FOXN1: variants seen among roughly 807,000 people sequenced by gnomAD.
The protein encoded by FOXN1 is forkhead box N1.
Under a neutral mutation model 49.0 loss-of-function variants are expected in FOXN1, and 15 were observed. The observed-to-expected ratio is 0.31, with a 90% CI of 0.20 to 0.47. The LOEUF (loss-of-function observed/expected upper bound fraction) is 0.47. Among genes scored for constraint, FOXN1 ranks in the 20% least tolerant of loss-of-function variants. The pLI is 1.00. For synonymous variants in FOXN1, 356 were observed against 369.0 expected, an observed-to-expected ratio of 0.96 and a Z score of 0.40; for missense variants, 800 against 842.8, an observed-to-expected ratio of 0.95 and a Z score of 0.63.
intron 1 of FOXN1, 92 bp from the exon 2 acceptor site, chr17:28,523,864 C>A: frequency 1.7e-6 from 2 of 1,178,444 alleles, no homozygotes; most frequent in Non-Finnish European, 2.5e-6. Flanking sequence ...AGGGTCCCAG[C>A]CCAAGGATGG....
chr17:28,537,388 C>G lies in FOXN1; in HGVS notation c.1899C>G (p.Gly633=). 2 of 1,613,054 alleles carry G rather than the reference C, an allele frequency of 1.2e-6. No individual in the cohort carries two copies. Among genetic ancestry groups the G allele is most frequent in the African/African-American group, 1.3e-5 (1 of 75,038 alleles). ...CCACGCCCCCCACGGCCCCTGCAGGCCCCTCTGTGTACCTCAGCCCCAGCT... is the reference window on the plus strand; with the variant it reads ...CCACGCCCCCCACGGCCCCTGCAGGGCCCTCTGTGTACCTCAGCCCCAGCT... The part of the protein sequence containing the change: ...LEPTPPTAPA[G]PSVYLSPSSK... The change falls in exon 9 of 9, where the codon GGC becomes GGG. Residue 633 remains glycine (G), a synonymous_variant. Transcript: ENST00000579795.
chr17:28,531,874 C>A (rs531438177), intron 6 of FOXN1, among the ~76,000 whole-genome samples: 1 of 152,272 alleles, frequency 6.6e-6, no homozygotes, highest in South Asian at 2.1e-4. Context: ...GGGCTGCCAT[C>A]AGATGAGGAG....
At chr17:28,532,084 T>C (rs771846631) in intron 6 of FOXN1, among the ~76,000 whole-genome samples, 2 of 152,080 alleles carry the variant, frequency 1.3e-5, no homozygotes, top group African/African-American at 2.4e-5. Context: ...TGGAGGGTCT[T>C]CTAGGGTTTC....
In FOXN1 at chr17:28,534,774, C is replaced by A. The variant is rs375002692; in HGVS notation, c.1203C>A (p.Pro401=). 1.2e-5 allele frequency: 20 copies of A among 1,613,210 alleles called. No individual in the cohort carries two copies. In the Admixed American group the frequency reaches 1.8e-4, roughly 15 times the overall value. The part of the protein sequence containing the change: ...KLGSPLLGCP[P]PGLSGSGPIR... ...GCTCCCCACTCCTGGGCTGTCCGCC[C>A]CCTGGGCTGTCCGGCTCAGGCCCCA... Residue 401 remains proline, a synonymous_variant, in exon 8 of 9, where the codon CCC becomes CCA. Transcript: ENST00000579795. This position sits in a 1 kb window ranked among gnomAD's most constrained non-coding sequence, Gnocchi z 4.1.
At chr17:28,529,249 G>A (rs1555610057) in intron 5 of FOXN1, 25 bp downstream of exon 5, 1 of 1,612,926 alleles carries the variant, frequency 6.2e-7, no homozygotes, top group Non-Finnish European at 8.5e-7. Flanking sequence ...CTCCAGGGAT[G>A]GGAGGAGGAG....
At chr17:28,527,403 G>GAT (rs1238748479) in intron 4 of FOXN1, 42 bp downstream of exon 4, 1 of 1,128,180 alleles carries the variant, frequency 8.9e-7, no homozygotes, top group South Asian at 1.3e-5. Flanking sequence ...CAGGTCTGAG[G>GAT]ATATCGTGTG....
intron 1 of FOXN1, among the ~76,000 whole-genome samples, chr17:28,510,375 CACAG>C (rs1322084065): frequency 6.8e-5 from 10 of 147,110 alleles, no homozygotes; most frequent in African/African-American, 2.4e-4. Flanking sequence ...GAGAGACACA[CACAG>C]AGACACACAC....
intron 6 of FOXN1, among the ~76,000 whole-genome samples, chr17:28,531,948 T>C (rs1243675578): frequency 1.3e-5 from 2 of 152,162 alleles, no homozygotes; most frequent in Non-Finnish European, 2.9e-5. Flanking sequence ...CCAGAGGTTC[T>C]GGAAGGGAAA....
intron 5 of FOXN1, among the ~76,000 whole-genome samples, chr17:28,529,688 A>C (rs1464853396): frequency 6.6e-6 from 1 of 152,148 alleles, no homozygotes; most frequent in African/African-American, 2.4e-5. Flanking sequence ...CTGGGTTCTT[A>C]AGTGTCAGCA....
At chr17:28,535,697 C>T (rs566282948) in intron 8 of FOXN1, among the ~76,000 whole-genome samples, 30 of 152,310 alleles carry the variant, frequency 2.0e-4, no homozygotes, top group Non-Finnish European at 3.5e-4. Flanking sequence ...GAGCCAAGAT[C>T]GTGCCACTGC....
intron 1 of FOXN1, among the ~76,000 whole-genome samples, chr17:28,507,689 C>T (rs1381102755): frequency 6.6e-6 from 1 of 152,200 alleles, no homozygotes; most frequent in African/African-American, 2.4e-5. Context: ...CACTGAGGAA[C>T]ACTAGTTCCT....
At chr17:28,535,498 C>G (rs2070040832) in intron 8 of FOXN1, among the ~76,000 whole-genome samples, 1 of 152,210 alleles carries the variant, frequency 6.6e-6, no homozygotes, top group African/African-American at 2.4e-5. Flanking sequence ...GCCTGTAATC[C>G]CAGCACTCTG....
At chr17:28,513,024 C>T (rs555713732) in intron 1 of FOXN1, among the ~76,000 whole-genome samples, 22 of 152,284 alleles carry the variant, frequency 1.4e-4, no homozygotes, top group African/African-American at 5.1e-4. Context: ...TTTCTTGTTT[C>T]CTTGAAACCA....
chr17:28,512,540 G>A (rs1555607165), intron 1 of FOXN1, among the ~76,000 whole-genome samples: 3 of 152,250 alleles, frequency 2.0e-5, no homozygotes, highest in Non-Finnish European at 4.4e-5. Context: ...ATATACTCCA[G>A]AGGCTGAGGC....
intron 1 of FOXN1, among the ~76,000 whole-genome samples, chr17:28,519,200 G>A (rs1457197648): frequency 6.6e-6 from 1 of 152,116 alleles, no homozygotes; most frequent in Non-Finnish European, 1.5e-5. Flanking sequence ...GCGCGGTGGT[G>A]CACACCTGTA....
In FOXN1 at chr17:28,529,081, T is replaced by C; in HGVS notation, c.700-13T>C. On this transcript the variant is annotated splice_polypyrimidine_tract_variant and intron_variant, in intron 4 of 8. Coordinates refer to ENST00000579795, the MANE Select transcript of FOXN1 (RefSeq NM_001369369.1). The stretch of plus-strand genomic sequence containing the variant: ...GTACCATGCAATCACTCTGCCCCTT[T>C]TGACCTCCTCAGTACTCGCCAGGTG... The C allele has an allele frequency of 6.2e-7, 1 of 1,614,034 alleles. No individual in the cohort carries two copies.
intron 6 of FOXN1, among the ~76,000 whole-genome samples, chr17:28,531,487 G>A (rs2069913539): frequency 6.6e-6 from 1 of 152,142 alleles, no homozygotes; most frequent in African/African-American, 2.4e-5. Flanking sequence ...GGCAGGACAG[G>A]GGCTCTTCTC....
At chr17:28,511,395 C>T (rs1483545074) in intron 1 of FOXN1, among the ~76,000 whole-genome samples, 1 of 152,192 alleles carries the variant, frequency 6.6e-6, no homozygotes. Context: ...TGGGCCATTT[C>T]TTTGCCCCCA....
chr17:28,537,099 C>T lies in FOXN1; in HGVS notation c.1628-18C>T, dbSNP rs759128021. On this transcript the variant is annotated intron_variant, in intron 8 of 8. Transcript: ENST00000579795. ...CCGGTGCCTCCCAGTGACACCTGTTCTCTCCTTCCCCATCTAGGAAACCTG... is the reference window on the plus strand; with the variant it reads ...CCGGTGCCTCCCAGTGACACCTGTTTTCTCCTTCCCCATCTAGGAAACCTG... The T allele has an allele frequency of 6.2e-7, 1 of 1,608,934 alleles. No individual in the cohort carries two copies. The highest frequency in any genetic ancestry group is 2.2e-5 in the East Asian group (1 of 44,864).
Sources: allele counts gnomAD v4.1 joint callset (sites outside exome capture counted in the v4.1 genomes callset), GRCh38; gene constraint gnomAD v4.1.1; non-coding constraint Gnocchi (gnomAD v3.1); transcripts MANE v1.5; gene names NCBI Gene and HGNC (gene_info 2026-07-23, HGNC 2026-07-21).